Variants in ASPM observed in about 807,000 individuals in gnomAD.
ASPM encodes the protein abnormal spindle-like microcephaly-associated protein.
ASPM carries 256 observed loss-of-function variants against 366.4 expected under a neutral mutation model. The observed-to-expected ratio is 0.70, with a 90% CI of 0.63 to 0.77. ASPM has a LOEUF of 0.77. Ranked by LOEUF, ASPM falls within the 30% of genes least tolerant of loss-of-function variation. ASPM has a pLI of 0.00. For synonymous variants in ASPM, 1,414 were observed against 1,342.9 expected (o/e 1.05, Z -1.16); for missense variants, 4,146 against 4,090.4 (o/e 1.01, Z -0.37).
chr1:197,108,835 G>A (rs1318426247), intron 17 of ASPM, among the ~76,000 whole-genome samples: 1 of 151,844 alleles, frequency 6.6e-6, no homozygotes, highest in Non-Finnish European at 1.5e-5. Flanking sequence ...GTTGAGTGTG[G>A]TGGTACATGC....
Position 197,102,249 on chromosome 1 carries a change from C to A in ASPM, c.7002G>T (p.Met2334Ile), listed in dbSNP as rs764918001. The A allele has an allele frequency of 2.7e-5, 43 of 1,612,694 alleles. No homozygotes were observed. The East Asian group carries it at 5.1e-4, about 19-fold the overall frequency. ...ACTGGATGAAAGTAGCAGCCCTGTG[C>A]ATCTCTCGCATCCTTTTCCTTATCA... is the stretch of plus-strand genomic sequence containing the variant. ...RWMIRKRMREMHRAATFIQST... is the reference protein window; with the variant it reads ...RWMIRKRMREIHRAATFIQST... Residue 2334 changes from methionine to isoleucine, a missense_variant, in exon 18 of 28, where the codon ATG (methionine) becomes ATT (isoleucine). Coordinates refer to ENST00000367409, the MANE Select transcript of ASPM (RefSeq NM_018136.5).
rs765821316 is a variant in ASPM at position 197,117,805 on chromosome 1, G to T, written c.4049C>A (p.Ala1350Glu). 6 of 1,612,178 alleles carry T rather than the reference G, an allele frequency of 3.7e-6. No individual in the cohort carries two copies. Among genetic ancestry groups the T allele is most frequent in the Non-Finnish European group, 5.1e-6 (6 of 1,179,250 alleles). ...KEKLEKVQNK[A>E]ASLIQGYWRR... ...ATACTATACCTGAATAAGTGATGCT[G>T]CTTTATTTTGAACTTTTTCCAGCTT... The change falls in exon 17 of 28, where the codon GCA (alanine) becomes GAA (glutamate). Residue 1350 changes from alanine to glutamate, a missense_variant. By Grantham distance (107) the Ala-to-Glu change is moderately radical. Around this residue, in one of 3 missense-constraint regions of ASPM, gnomAD observed 3,624 missense variants for 3,591.7 expected, o/e 1.01. Transcript: ENST00000367409.
intron 17 of ASPM, among the ~76,000 whole-genome samples, chr1:197,111,874 A>C (rs1657596631): frequency 6.6e-6 from 1 of 152,194 alleles, no homozygotes; most frequent in African/African-American, 2.4e-5. Flanking sequence ...GATGCTGGTG[A>C]GGTTGTAGAG....
Position 197,095,998 on chromosome 1 carries a change from C to T in ASPM, c.8987G>A (p.Arg2996Gln), listed in dbSNP as rs1656962451. Residue 2996 changes from arginine (R) to glutamine (Q), a missense_variant and splice_region_variant, in exon 19 of 28, where the codon CGG (arginine) becomes CAG (glutamine). Coordinates refer to ENST00000367409, the MANE Select transcript of ASPM (RefSeq NM_018136.5). ...GCFYTKLERT[R>Q]FLNVRASAII... is the part of the protein sequence containing the mutation. ...TCTCCACAGAACTATGATACATTACCGTGTTCTCTCTAGTTTGGTATAGAA... is the reference window on the plus strand; with the variant it reads ...TCTCCACAGAACTATGATACATTACTGTGTTCTCTCTAGTTTGGTATAGAA... 5.0e-6 allele frequency: 8 copies of T among 1,604,256 alleles called. No individual in the cohort carries two copies. The highest frequency in any genetic ancestry group is 6.8e-6 in the Non-Finnish European group (8 of 1,172,504).
Position 197,104,922 on chromosome 1 carries a change from T to C in ASPM, c.4329A>G (p.Val1443=), listed in dbSNP as rs564951757. The change falls in exon 18 of 28, where the codon GTA becomes GTG. Residue 1443 remains valine, a synonymous_variant. Transcript: ENST00000367409. ...CTCTTTGCAATATTACTGTAGCTTT[T>C]ACTTGTGATTGCATTTTACGTTGCT... The part of the protein sequence containing the change: ...KWKQRKMQSQ[V]KATVILQRAF... The C allele has an allele frequency of 8.1e-6, 13 of 1,612,258 alleles. No homozygotes were observed. The African/African-American group carries it at 1.7e-4, about 22-fold the overall frequency.
rs188596950 is a variant in ASPM at position 197,109,457 on chromosome 1, A to G, written c.4066-4272T>C. On this transcript the variant is annotated intron_variant, in intron 17 of 27. Coordinates refer to ENST00000367409, the MANE Select transcript of ASPM (RefSeq NM_018136.5). ...TTAATGAAACCCAAATCTATGTGAT[A>G]AAACTCTCAGTAAGCTAAGAAACAG... is the stretch of plus-strand genomic sequence containing the variant. 1.8e-3 allele frequency among the ~76,000 whole-genome samples: 277 copies of G among 152,246 alleles called. 1 individual carries two copies. The highest frequency in any genetic ancestry group is 6.4e-3 in the African/African-American group (267 of 41,574).
Position 197,122,219 on chromosome 1 carries a change from A to C in ASPM, c.3681T>G (p.Leu1227=). The change falls in exon 15 of 28, where the codon CTT becomes CTG. Residue 1227 remains leucine (L), a synonymous_variant. Coordinates refer to ENST00000367409, the MANE Select transcript of ASPM (RefSeq NM_018136.5). ...FHLVRSAVRD[L]GGIPAMINHS... is the part of the protein sequence containing the mutation. ...GATTAATCATAGCAGGTATTCCACC[A>C]AGGTCTCTAACTGCAGACCTAACCA... The C allele has an allele frequency of 1.2e-6, 2 of 1,612,588 alleles. No individual in the cohort carries two copies. Among genetic ancestry groups the C allele is most frequent in the Non-Finnish European group, 1.7e-6 (2 of 1,178,794 alleles).
chr1:197,092,073 A>T lies in ASPM; in HGVS notation c.9295-17T>A. 1 of 1,610,716 alleles carries T rather than the reference A, an allele frequency of 6.2e-7. No individual in the cohort carries two copies. Among genetic ancestry groups the T allele is most frequent in the Non-Finnish European group, 8.5e-7 (1 of 1,177,986 alleles). On this transcript the variant is annotated splice_polypyrimidine_tract_variant and intron_variant, in intron 21 of 27. Transcript: ENST00000367409. ...TTCTAAAAACTAAAGGTGAAAAAAC[A>T]AAGCATATTCAAGTATCTGCCTCCT...
intron 10 of ASPM, among the ~76,000 whole-genome samples, chr1:197,125,892 A>C (rs1658077128): frequency 6.6e-6 from 1 of 152,188 alleles, no homozygotes; most frequent in Non-Finnish European, 1.5e-5. Flanking sequence ...CTAGAAAGAG[A>C]CTTAAGATAA....
chr1:197,098,186 GAT>G lies in ASPM; in HGVS notation c.8821-2024_8821-2023del, dbSNP rs149284705. ...AAATCCCAAATGCTACAGAGAAGTT[GAT>G]ATATATATATATATAAAACATACAT... On this transcript the variant is annotated intron_variant, in intron 18 of 27. Transcript: ENST00000367409. 4.3e-3 allele frequency among the ~76,000 whole-genome samples: 635 copies of G among 146,116 alleles called. 23 individuals carry two copies. The East Asian group carries it at 0.068, about 16-fold the overall frequency.
rs768170512 is a variant in ASPM at position 197,101,335 on chromosome 1, T to G, written c.7916A>C (p.Lys2639Thr). The change falls in exon 18 of 28, where the codon AAA becomes ACA. Residue 2639 changes from lysine to threonine, a missense_variant. By Grantham distance (78) the Lys-to-Thr change is moderately conservative. Transcript: ENST00000367409. ...IIIQKHCKAF[K>T]IRKHYLHLRA... ...AAGGTGGAGATAATGCTTCCTTATT[T>G]TAAAGGCTTTACAATGCTTCTGAAT... is the stretch of plus-strand genomic sequence containing the variant. 6.2e-6 allele frequency: 10 copies of G among 1,611,094 alleles called. No individual in the cohort carries two copies. Among genetic ancestry groups the G allele is most frequent in the Non-Finnish European group, 8.5e-6 (10 of 1,178,880 alleles).
intron 17 of ASPM, among the ~76,000 whole-genome samples, chr1:197,107,297 G>GTAACT (rs1211754651): frequency 1.3e-5 from 2 of 152,070 alleles, no homozygotes; most frequent in Non-Finnish European, 2.9e-5. Context: ...ACTGGCTACT[G>GTAACT]GGTGTTACAT....
chr1:197,084,353 C>G lies in ASPM; in HGVS notation c.10405G>C (p.Val3469Leu). The G allele has an allele frequency of 6.2e-7, 1 of 1,612,482 alleles. No homozygotes were observed. Residue 3469 changes from valine (V) to leucine (L), a missense_variant, in exon 28 of 28, where the codon GTG (valine) becomes CTG (leucine). Physicochemically the swap from Val to Leu is conservative, Grantham distance 32. This residue lies in a region of ASPM where 3,624 missense variants were observed against 3,591.7 expected (regional missense o/e 1.01). Coordinates refer to ENST00000367409, the MANE Select transcript of ASPM (RefSeq NM_018136.5). ...ITNPLQAIQM[V>L]MDTLGIPY ...TAAGGAATGCCAAGCGTATCCATCA[C>G]CATTTGAATAGCTTGCAGGGGATTT...
chr1:197,097,471 T>C (rs1253128856), intron 18 of ASPM, among the ~76,000 whole-genome samples: 1 of 151,710 alleles, frequency 6.6e-6, no homozygotes, highest in Non-Finnish European at 1.5e-5. Context: ...TCGGTCTCTC[T>C]GATTCCTTAA....
At position 197,102,375 on chromosome 1, in the gene ASPM, A is replaced by G. The variant is rs1474304968; in HGVS notation, c.6876T>C (p.Ile2292=). 1 of 1,612,842 alleles carries G rather than the reference A, an allele frequency of 6.2e-7. No individual in the cohort carries two copies. The highest frequency in any genetic ancestry group is 1.7e-5 in the Admixed American group (1 of 59,794). ...FLSLKKTAIL[I]QRKYRAHLCT... is the part of the protein sequence containing the mutation. Reference sequence around the variant, plus strand: ...AAAGATGTGCCCGATATTTTCTCTGAATCAAAATAGCAGTTTTCTTGAGAG... The same window carrying G: ...AAAGATGTGCCCGATATTTTCTCTGGATCAAAATAGCAGTTTTCTTGAGAG... Residue 2292 remains isoleucine, a synonymous_variant, in exon 18 of 28, where the codon ATT becomes ATC. Coordinates refer to ENST00000367409, the MANE Select transcript of ASPM (RefSeq NM_018136.5).
chr1:197,101,056 C>T lies in ASPM; in HGVS notation c.8195G>A (p.Arg2732Lys). 6.2e-7 allele frequency: 1 copy of T among 1,611,218 alleles called. No individual in the cohort carries two copies. The highest frequency in any genetic ancestry group is 8.5e-7 in the Non-Finnish European group (1 of 1,178,670). ...YRLYVRVKTE[R>K]KNFLAVQKSV... ...TTTCTGAACTGCTAAAAAGTTTTTTCTTTCTGTTTTTACTCTAACATACAA... is the reference window on the plus strand; with the variant it reads ...TTTCTGAACTGCTAAAAAGTTTTTTTTTTCTGTTTTTACTCTAACATACAA... Residue 2732 changes from arginine to lysine, a missense_variant, in exon 18 of 28, where the codon AGA becomes AAA. Coordinates refer to ENST00000367409, the MANE Select transcript of ASPM (RefSeq NM_018136.5).
rs1293898964 is a variant in ASPM at position 197,142,652 on chromosome 1, T to G, written c.1600A>C (p.Asn534His). ...TGAAAATCTTCTTTTTCCTTTTGAT[T>G]ATTTATTACTTTTTCATGTTCACCC... is the stretch of plus-strand genomic sequence containing the variant. ...AVGEHEKVIN[N>H]QKEKEDFHSY... Residue 534 changes from asparagine (N) to histidine (H), a missense_variant, in exon 3 of 28, where the codon AAT (asparagine) becomes CAT (histidine). By Grantham distance (68) the Asn-to-His change is moderately conservative. Coordinates refer to ENST00000367409, the MANE Select transcript of ASPM (RefSeq NM_018136.5). The G allele has an allele frequency of 1.9e-6, 3 of 1,612,264 alleles. No homozygotes were observed. Among genetic ancestry groups the G allele is most frequent in the Admixed American group, 1.7e-5 (1 of 59,898 alleles).
chr1:197,099,604 T>C (rs1490655622), intron 18 of ASPM, among the ~76,000 whole-genome samples: 1 of 151,746 alleles, frequency 6.6e-6, no homozygotes, highest in African/African-American at 2.4e-5. Flanking sequence ...TATACTTCCT[T>C]GTTCAATTAA....
intron 16 of ASPM, among the ~76,000 whole-genome samples, chr1:197,119,337 GTAAA>G (rs1657837055): frequency 6.6e-6 from 1 of 152,100 alleles, no homozygotes; most frequent in African/African-American, 2.4e-5. Context: ...CCCTGTTACA[GTAAA>G]TAAATAAATA....
Sources: allele counts gnomAD v4.1 joint callset (sites outside exome capture counted in the v4.1 genomes callset), GRCh38; gene constraint gnomAD v4.1.1; regional missense constraint gnomAD v4.1.1; transcripts MANE v1.5; gene names NCBI Gene and HGNC (gene_info 2026-07-23, HGNC 2026-07-21).